OSBPL2: variants seen among roughly 807,000 people sequenced by gnomAD.
The protein encoded by OSBPL2 is oxysterol binding protein like 2.
Under a neutral mutation model 58.4 loss-of-function variants are expected in OSBPL2, and 18 were observed. The observed-to-expected ratio is 0.31, with a 90% confidence interval of 0.21 to 0.46. OSBPL2 has a LOEUF of 0.46. Among genes scored for constraint, OSBPL2 ranks in the 20% least tolerant of loss-of-function variants. OSBPL2 has a pLI of 1.00. For synonymous variants in OSBPL2, 221 were observed against 234.1 expected, an observed-to-expected ratio of 0.94 and a Z score of 0.51; for missense variants, 461 against 616.5, an observed-to-expected ratio of 0.75 and a Z score of 2.67.
intron 2 of OSBPL2, among the ~76,000 whole-genome samples, chr20:62,258,006 C>T (rs1981044417): frequency 1.3e-5 from 2 of 152,198 alleles, no homozygotes; most frequent in African/African-American, 2.4e-5. Flanking sequence ...TCAGCCACTG[C>T]GCCTGGCCAA....
chr20:62,243,881 AG>A (rs1022215973), intron 1 of OSBPL2, among the ~76,000 whole-genome samples: 1 of 150,414 alleles, frequency 6.6e-6, no homozygotes, highest in Admixed American at 6.6e-5. Flanking sequence ...TGCAGAGGGT[AG>A]GGGGGTTAGA....
rs1364532672 is a variant in OSBPL2 at position 62,269,575 on chromosome 20, G to T, written c.259-2550G>T. Among the ~76,000 whole-genome samples, 1 of 152,226 alleles carries T rather than the reference G, an allele frequency of 6.6e-6. No homozygotes were observed. The highest frequency in any genetic ancestry group is 1.5e-5 in the Non-Finnish European group (1 of 68,038). On this transcript the variant is annotated intron_variant, in intron 4 of 13. Transcript: ENST00000313733. This position sits in a 1 kb window ranked among gnomAD's most constrained non-coding sequence, Gnocchi z 4.2. ...TCCCCCATGCTCAGGGCTGCCACCG[G>T]CCGCACTTCCCGGCCTCCCTGGTCC...
At chr20:62,272,373 A>C (rs976687845) in intron 5 of OSBPL2, 114 bp downstream of exon 5, 7 of 1,147,284 alleles carry the variant, frequency 6.1e-6, no homozygotes, top group African/African-American at 1.5e-5. Context: ...AGCTCCCCCC[A>C]GTGTTCAGTG....
At chr20:62,267,455 C>T (rs181950019) in intron 4 of OSBPL2, among the ~76,000 whole-genome samples, 1 of 152,292 alleles carries the variant, frequency 6.6e-6, no homozygotes, top group African/African-American at 2.4e-5. Flanking sequence ...TCAGGCCTAT[C>T]CTGTGCGTTT....
rs191540932 is a variant in OSBPL2, at chr20:62,268,913, C to T, written c.259-3212C>T. The stretch of plus-strand genomic sequence containing the variant: ...TCTACTAAAAATACAAAAAATTAGC[C>T]GGGTGTGGCAGTGCATGCCTGTAAT... On this transcript the variant is annotated intron_variant, in intron 4 of 13. Coordinates refer to ENST00000313733, the MANE Select transcript of OSBPL2 (RefSeq NM_144498.4). Among the ~76,000 whole-genome samples, 304 of 152,158 alleles carry T rather than the reference C, an allele frequency of 2.0e-3. 1 individual carries two copies. Among genetic ancestry groups the T allele is most frequent in the African/African-American group, 6.9e-3 (288 of 41,512 alleles).
chr20:62,281,618 C>G (rs190079657), intron 8 of OSBPL2, 172 bp from the exon 9 acceptor site: 4 of 561,908 alleles, frequency 7.1e-6, no homozygotes, highest in Admixed American at 3.0e-5. Context: ...ATCATGGAGC[C>G]GTCCCCACAG....
In OSBPL2 at chr20:62,281,110, A is replaced by G. The variant is rs766793194; in HGVS notation, c.727A>G (p.Ile243Val). Residue 243 changes from isoleucine to valine, a missense_variant, in exon 8 of 14, where the codon ATC becomes GTC. Ile to Val is a conservative substitution (Grantham distance 29). Transcript: ENST00000313733. ...CCCCACCTGCTGCGTCCACAACGTC[A>G]TCATCGGGAAGCTGTGGATAGAGCA... ...TNPTCCVHNV[I>V]IGKLWIEQYG... The G allele has an allele frequency of 1.9e-6, 3 of 1,614,240 alleles. No homozygotes were observed. The highest frequency in any genetic ancestry group is 2.2e-5 in the East Asian group (1 of 44,882).
Position 62,288,729 on chromosome 20 carries a change from G to A in OSBPL2, c.1126-478G>A, listed in dbSNP as rs1983301980. Among the ~76,000 whole-genome samples the A allele has an allele frequency of 6.6e-6, 1 of 152,194 alleles. No homozygotes were observed. Among genetic ancestry groups the A allele is most frequent in the Non-Finnish European group, 1.5e-5 (1 of 68,030 alleles). On this transcript the variant is annotated intron_variant, in intron 11 of 13. Transcript: ENST00000313733. The surrounding 1 kb of genome is among the most constrained non-coding windows in gnomAD (Gnocchi z 4.8). ...GCTCTGGGAGTCCTGGGCACGGGGG[G>A]ACTGTCATACCCTAAGCATTCCAGT...
At chr20:62,261,721 TC>T (rs1015899962) in intron 3 of OSBPL2, among the ~76,000 whole-genome samples, 2 of 152,226 alleles carry the variant, frequency 1.3e-5, no homozygotes, top group African/African-American at 4.8e-5. Context: ...GGCCTCTGCA[TC>T]CCTGCCTTTT....
intron 1 of OSBPL2, among the ~76,000 whole-genome samples, chr20:62,247,174 G>A (rs1980176937): frequency 6.6e-6 from 1 of 152,236 alleles, no homozygotes; most frequent in Non-Finnish European, 1.5e-5. Context: ...GCTCTTCAGT[G>A]CACGATGCTG....
chr20:62,238,959 G>T (rs1254534139), intron 1 of OSBPL2: 4 of 137,224 alleles, frequency 2.9e-5, no homozygotes, highest in East Asian at 5.1e-4. Flanking sequence ...CTGCTGCCCC[G>T]CTGAGCAGGA....
chr20:62,279,301 G>A lies in OSBPL2; in HGVS notation c.636G>A (p.Glu212=), dbSNP rs561825818. 6.8e-6 allele frequency: 11 copies of A among 1,614,242 alleles called. No homozygotes were observed. The East Asian group carries it at 2.0e-4, about 29-fold the overall frequency. The change falls in exon 7 of 14, where the codon GAG becomes GAA. Residue 212 remains glutamate (E), a synonymous_variant. Coordinates refer to ENST00000313733, the MANE Select transcript of OSBPL2 (RefSeq NM_144498.4). ...PKLKFWGKSV[E]AEPRGTITLE... ...TCAAGTTCTGGGGCAAAAGCGTGGA[G>A]GCGGAGCCCCGAGGCACCATCACCC... is the stretch of plus-strand genomic sequence containing the variant.
chr20:62,259,878 T>G, intron 2 of OSBPL2, 103 bp from the exon 3 acceptor site: 2 of 1,016,464 alleles, frequency 2.0e-6, no homozygotes, highest in Admixed American at 2.1e-5. Flanking sequence ...TTCACACAAC[T>G]GAGCTCTGTA....
At chr20:62,252,494 C>T (rs561006457) in intron 1 of OSBPL2, among the ~76,000 whole-genome samples, 7 of 152,286 alleles carry the variant, frequency 4.6e-5, no homozygotes, top group South Asian at 2.1e-4. Context: ...TTTCTCCTCC[C>T]GGGCGCCTCC....
chr20:62,253,783 T>TTTTATTTATTTATTTATTTA (rs57972667), intron 1 of OSBPL2, among the ~76,000 whole-genome samples: 2 of 145,034 alleles, frequency 1.4e-5, no homozygotes, highest in Non-Finnish European at 3.0e-5. Flanking sequence ...AAACTCGCCC[T>TTTTATTTATTTATTTATTTA]TTTATTTATT....
chr20:62,291,786 C>G lies in OSBPL2; in HGVS notation c.1333C>G (p.Gln445Glu), dbSNP rs746263705. Reference sequence around the variant, plus strand: ...GCGGGCCAAGGAGGAGGCAGAGTGGCAGACGAGGTGAGTACTGTGGTAGCC... The same window carrying G: ...GCGGGCCAAGGAGGAGGCAGAGTGGGAGACGAGGTGAGTACTGTGGTAGCC... The part of the protein sequence containing the change: ...RERAKEEAEW[Q>E]TRWFYPGNNP... Residue 445 changes from glutamine (Q) to glutamate (E), a missense_variant, in exon 13 of 14, where the codon CAG (glutamine) becomes GAG (glutamate). Physicochemically the swap from Gln to Glu is conservative, Grantham distance 29. Transcript: ENST00000313733. 4 of 1,594,422 alleles carry G rather than the reference C, an allele frequency of 2.5e-6. No individual in the cohort carries two copies. The African/African-American group carries it at 5.7e-5, about 23-fold the overall frequency.
rs752796549 is a variant in OSBPL2, at chr20:62,291,753, C to T, written c.1300C>T (p.Arg434Trp). ...ERLEEKQREA[R>W]RERAKEEAEW... ...GCTGGAGGAGAAGCAGAGAGAAGCA[C>T]GGAGGGAGCGGGCCAAGGAGGAGGC... Residue 434 changes from arginine (R) to tryptophan (W), a missense_variant, in exon 13 of 14, where the codon CGG (arginine) becomes TGG (tryptophan). Physicochemically the swap from Arg to Trp is moderately radical, Grantham distance 101. Coordinates refer to ENST00000313733, the MANE Select transcript of OSBPL2 (RefSeq NM_144498.4). The T allele has an allele frequency of 6.8e-6, 11 of 1,613,284 alleles. No individual in the cohort carries two copies. The highest frequency in any genetic ancestry group is 4.5e-5 in the East Asian group (2 of 44,880).
intron 4 of OSBPL2, among the ~76,000 whole-genome samples, chr20:62,266,817 T>C (rs950908399): frequency 6.6e-6 from 1 of 152,256 alleles, no homozygotes; most frequent in African/African-American, 2.4e-5. Flanking sequence ...TAGAAAGTCA[T>C]TTAATATCAT....
chr20:62,280,177 A>C, intron 7 of OSBPL2: 1 of 1,162,522 alleles, frequency 8.6e-7, no homozygotes, highest in South Asian at 1.3e-5. Context: ...AGGTCCTAAC[A>C]AATACATACA....
Sources: allele counts gnomAD v4.1 joint callset (sites outside exome capture counted in the v4.1 genomes callset), GRCh38; gene constraint gnomAD v4.1.1; non-coding constraint Gnocchi (gnomAD v3.1); transcripts MANE v1.5; gene names NCBI Gene and HGNC (gene_info 2026-07-23, HGNC 2026-07-21).